The following NBEAL1 variants were observed in gnomAD, a reference collection of about 807,000 sequenced individuals.
NBEAL1 encodes the protein neurobeachin-like protein 1.
In NBEAL1, 273 loss-of-function variants were observed where a neutral mutation model predicts 351.3. That is an observed-to-expected ratio of 0.78 (90% confidence interval 0.70 to 0.86). The LOEUF (loss-of-function observed/expected upper bound fraction) is 0.86, where lower values mean the gene tolerates loss of function less well. NBEAL1 is among the 40% of genes least tolerant of loss of function. NBEAL1 has a pLI of 0.00. For missense variants in NBEAL1, 2,961 were observed against 3,201.3 expected (o/e 0.92, Z 1.81); for synonymous variants, 1,050 against 1,086.4 (o/e 0.97, Z 0.66).
chr2:203,027,731 C>T (rs1336540618), intron 2 of NBEAL1, among the ~76,000 whole-genome samples: 1 of 152,176 alleles, frequency 6.6e-6, no homozygotes, highest in African/African-American at 2.4e-5. Flanking sequence ...TTTTAAGACA[C>T]AGGGCATTGC....
At chr2:203,150,625 T>G (rs1207992187) in intron 34 of NBEAL1, among the ~76,000 whole-genome samples, 2 of 152,122 alleles carry the variant, frequency 1.3e-5, no homozygotes, top group African/African-American at 2.4e-5. Context: ...TGGTGTCATA[T>G]CTAAGAAACC....
chr2:203,057,191 A>C, intron 5 of NBEAL1, 135 bp from the exon 6 acceptor site: 2 of 611,784 alleles, frequency 3.3e-6, no homozygotes, highest in East Asian at 5.7e-5. Context: ...TTAAAATCTT[A>C]GTGGCTGTAT....
At chr2:203,136,341 C>T (rs2106313903) in intron 28 of NBEAL1, 89 bp downstream of exon 28, 1 of 984,236 alleles carries the variant, frequency 1.0e-6, no homozygotes, top group Non-Finnish European at 1.5e-6. Flanking sequence ...CAGTTGTTAA[C>T]AATTTCATAT....
rs1437082308 is a variant in NBEAL1 at position 203,126,571 on chromosome 2, G to C, written c.3000G>C (p.Leu1000Phe). The C allele has an allele frequency of 6.8e-7, 1 of 1,470,542 alleles. No homozygotes were observed. The highest frequency in any genetic ancestry group is 2.5e-5 in the East Asian group (1 of 40,390). The allele number at this position is 1,470,542 out of a possible 1,614,324, so 91.1% of individuals were successfully genotyped here. A position where few individuals can be genotyped will look rare whatever the true frequency, so the allele number is the denominator to read the frequency against. ...GALLQKVPST[L>F]MDVNVLMAVQ... is the part of the protein sequence containing the mutation. ...TTTGGTTTCAGGTGCCAAGCACCTT[G>C]ATGGATGTTAATGTGTTGATGGCAG... Residue 1000 changes from leucine (L) to phenylalanine (F), a missense_variant, in exon 22 of 56, where the codon TTG becomes TTC. Physicochemically the swap from Leu to Phe is conservative, Grantham distance 22. Coordinates refer to ENST00000683969, the MANE Select transcript of NBEAL1 (RefSeq NM_001378026.1).
Position 203,084,557 on chromosome 2 carries a change from A to C in NBEAL1, c.1086A>C (p.Leu362=), listed in dbSNP as rs920576997. Residue 362 remains leucine, a synonymous_variant, in exon 10 of 56, where the codon CTA becomes CTC. Coordinates refer to ENST00000683969, the MANE Select transcript of NBEAL1 (RefSeq NM_001378026.1). The part of the protein sequence containing the change: ...SNCFEHLIRL[L]QNCKLFLNAN... ...GCTTTGAACATCTCATACGACTGCT[A>C]CAGAACTGCAAGGTATTTTTCTATT... 6.6e-7 allele frequency: 1 copy of C among 1,505,282 alleles called. No individual in the cohort carries two copies. Among genetic ancestry groups the C allele is most frequent in the Admixed American group, 2.4e-5 (1 of 42,034 alleles). The allele number at this position is 1,505,282 out of a possible 1,614,324, so 93.2% of individuals were successfully genotyped here. A position where few individuals can be genotyped will look rare whatever the true frequency, so the allele number is the denominator to read the frequency against.
At chr2:203,194,872 G>A (rs371791854) in intron 47 of NBEAL1, among the ~76,000 whole-genome samples, 1 of 152,090 alleles carries the variant, frequency 6.6e-6, no homozygotes, top group Admixed American at 6.6e-5. Flanking sequence ...TTTTGATAAT[G>A]TAGTGTAAAA....
chr2:203,172,390 G>T (rs1428605771), intron 40 of NBEAL1, among the ~76,000 whole-genome samples: 2 of 151,950 alleles, frequency 1.3e-5, no homozygotes, highest in East Asian at 3.9e-4. Context: ...GCGTGGTGGT[G>T]CACACCTGTA....
At chr2:203,207,599 A>G (rs1027362479) in intron 51 of NBEAL1, among the ~76,000 whole-genome samples, 2 of 152,170 alleles carry the variant, frequency 1.3e-5, no homozygotes, top group South Asian at 4.1e-4. Context: ...GATCCTGTTG[A>G]TCTGTGACCT....
At chr2:203,114,106 G>A (rs2062636267) in intron 17 of NBEAL1, among the ~76,000 whole-genome samples, 1 of 152,096 alleles carries the variant, frequency 6.6e-6, no homozygotes, top group Non-Finnish European at 1.5e-5. Context: ...ACAGGCGTGA[G>A]CCACCGCGCC....
At chr2:203,110,396 C>G in intron 15 of NBEAL1, 114 bp downstream of exon 15, 1 of 1,095,222 alleles carries the variant, frequency 9.1e-7, no homozygotes, top group African/African-American at 1.6e-5. Context: ...TGAGGCTGGG[C>G]GCAGTGGCAC....
At chr2:203,136,295 T>G (rs760780881) in intron 28 of NBEAL1, 43 bp downstream of exon 28, 1 of 1,303,062 alleles carries the variant, frequency 7.7e-7, no homozygotes, top group East Asian at 2.3e-5. Flanking sequence ...TATTTTCATG[T>G]CTGATATATA....
chr2:203,053,217 C>T (rs548944341), intron 4 of NBEAL1, among the ~76,000 whole-genome samples: 3 of 152,234 alleles, frequency 2.0e-5, no homozygotes, highest in East Asian at 1.9e-4. Flanking sequence ...GTTCCTGTTG[C>T]TCTTCATGGT....
Position 203,222,020 on chromosome 2 carries a change from T to C in NBEAL1, c.*4666T>C, listed in dbSNP as rs925763884. Among the ~76,000 whole-genome samples the C allele has an allele frequency of 1.3e-5, 2 of 152,142 alleles. No homozygotes were observed. The highest frequency in any genetic ancestry group is 2.9e-5 in the Non-Finnish European group (2 of 68,030). On this transcript the variant is annotated 3_prime_UTR_variant, in exon 56 of 56. Coordinates refer to ENST00000683969, the MANE Select transcript of NBEAL1 (RefSeq NM_001378026.1). ...CCTGGGCAGCATAGTGGGCTCCACCTCTACAAGACATTAAAAAATTAGCCT... is the reference window on the plus strand; with the variant it reads ...CCTGGGCAGCATAGTGGGCTCCACCCCTACAAGACATTAAAAAATTAGCCT...
Position 203,136,658 on chromosome 2 carries a change from G to A in NBEAL1, c.4449G>A (p.Lys1483=). Residue 1483 remains lysine, a synonymous_variant, in exon 29 of 56, where the codon AAG becomes AAA. Coordinates refer to ENST00000683969, the MANE Select transcript of NBEAL1 (RefSeq NM_001378026.1). ...LTHILNYVMC[K]GLEKSDDDTW... ...ATATTTTGAATTATGTAATGTGTAA[G>A]GGACTAGAAAAGTCTGATGATGATA... is the stretch of plus-strand genomic sequence containing the variant. The A allele has an allele frequency of 6.2e-7, 1 of 1,613,526 alleles. No individual in the cohort carries two copies. Among genetic ancestry groups the A allele is most frequent in the Non-Finnish European group, 8.5e-7 (1 of 1,179,570 alleles).
In NBEAL1 at chr2:203,190,457, A is replaced by G. The variant is rs145984126; in HGVS notation, c.6921+68A>G. ...AGTAGATTTAAGTACATAACAAAAT[A>G]TTGCAGTCAAGATCCATGTATATAG... On this transcript the variant is annotated intron_variant, in intron 46 of 55. Coordinates refer to ENST00000683969, the MANE Select transcript of NBEAL1 (RefSeq NM_001378026.1). The G allele has an allele frequency of 3.6e-5, 40 of 1,113,130 alleles. No individual in the cohort carries two copies. The Middle Eastern group carries it at 1.3e-3, about 37-fold the overall frequency. The allele number at this position is 1,113,130 out of a possible 1,614,324, so 69.0% of individuals were successfully genotyped here.
intron 28 of NBEAL1, 23 bp downstream of exon 28, chr2:203,136,275 A>G: frequency 6.7e-7 from 1 of 1,488,534 alleles, no homozygotes. Context: ...ATTTTTCCAA[A>G]TGTTGTTTTT....
In NBEAL1 at chr2:203,217,474, AT is replaced by A; in HGVS notation, c.*121del. ...TTTTATCCCTGAAAATCATTTACAG[AT>A]AACCACAATTTGCTGTGGTATATAA... On this transcript the variant is annotated 3_prime_UTR_variant, in exon 56 of 56. Coordinates refer to ENST00000683969, the MANE Select transcript of NBEAL1 (RefSeq NM_001378026.1). 2.3e-6 allele frequency: 3 copies of A among 1,328,452 alleles called. No individual in the cohort carries two copies. The highest frequency in any genetic ancestry group is 1.9e-6 in the Non-Finnish European group (2 of 1,035,988). 82.3% of individuals were successfully genotyped at this position (1,328,452 alleles called of 1,614,324 possible). A position where few individuals can be genotyped will look rare whatever the true frequency, so the allele number is the denominator to read the frequency against.
chr2:203,166,225 G>A lies in NBEAL1; in HGVS notation c.5791G>A (p.Val1931Ile). The change falls in exon 37 of 56, where the codon GTA (valine) becomes ATA (isoleucine). Residue 1931 changes from valine (V) to isoleucine (I), a missense_variant. By Grantham distance (29) the Val-to-Ile change is conservative (BLOSUM62 3). Coordinates refer to ENST00000683969, the MANE Select transcript of NBEAL1 (RefSeq NM_001378026.1). ...EDCELITIID[V>I]IPGRLEITTQ... ...CTGTGAACTCATTACAATAATTGAT[G>A]TAATTCCTGGCAGATTAGAAATCAC... 3.1e-6 allele frequency: 5 copies of A among 1,611,322 alleles called. No individual in the cohort carries two copies. Among genetic ancestry groups the A allele is most frequent in the Non-Finnish European group, 4.2e-6 (5 of 1,179,096 alleles).
At position 203,213,614 on chromosome 2, in the gene NBEAL1, T is replaced by G; in HGVS notation, c.8031T>G (p.Asp2677Glu). The G allele has an allele frequency of 6.2e-7, 1 of 1,614,104 alleles. No homozygotes were observed. Among genetic ancestry groups the G allele is most frequent in the Non-Finnish European group, 8.5e-7 (1 of 1,179,996 alleles). ...GCCATATTCTTGTAGGTTTAGAAGA[T>G]GGCAAATTGATTGTAGTGGGTGTTG... ...EYSHILVGLE[D>E]GKLIVVGVGK... is the part of the protein sequence containing the mutation. Residue 2677 changes from aspartate to glutamate, a missense_variant, in exon 55 of 56, where the codon GAT becomes GAG. Physicochemically the swap from Asp to Glu is conservative, Grantham distance 45. Transcript: ENST00000683969.
Sources: allele counts gnomAD v4.1 joint callset (sites outside exome capture counted in the v4.1 genomes callset), GRCh38; gene constraint gnomAD v4.1.1; transcripts MANE v1.5; gene names NCBI Gene and HGNC (gene_info 2026-07-23, HGNC 2026-07-21).